The following PARD3 variants were observed in gnomAD, a reference collection of about 807,000 sequenced individuals.
PARD3 encodes partitioning defective 3 homolog.
A neutral mutation model predicts 155.4 loss-of-function variants in PARD3; 75 were observed. The ratio of observed to expected loss-of-function variants is 0.48; its 90% confidence interval spans 0.40 to 0.58. The LOEUF (loss-of-function observed/expected upper bound fraction) is 0.58, where lower values mean the gene tolerates loss of function less well. Ranked by LOEUF, PARD3 falls within the 20% of genes least tolerant of loss-of-function variation. The probability of loss-of-function intolerance (pLI) is 0.00; values close to 1 mark genes in which losing one functional copy is unlikely to be tolerated. For synonymous variants in PARD3, 576 were observed against 610.5 expected, an observed-to-expected ratio of 0.94 and a Z score of 0.83; for missense variants, 1,642 against 1,721.7, an observed-to-expected ratio of 0.95 and a Z score of 0.82.
intron 12 of PARD3, among the ~76,000 whole-genome samples, chr10:34,369,342 T>A: frequency 6.7e-6 from 1 of 149,312 alleles, no homozygotes; most frequent in African/African-American, 2.6e-5. Flanking sequence ...ATTTATTTAT[T>A]TATTTATTGG....
intron 2 of PARD3, among the ~76,000 whole-genome samples, chr10:34,666,125 G>A (rs145889184): frequency 4.0e-5 from 6 of 151,800 alleles, no homozygotes; most frequent in African/African-American, 7.2e-5. Context: ...AAGGCTGAAG[G>A]CTGATGCGGG....
chr10:34,516,224 C>G (rs1251054408), intron 3 of PARD3, among the ~76,000 whole-genome samples: 1 of 152,172 alleles, frequency 6.6e-6, no homozygotes, highest in Non-Finnish European at 1.5e-5. Context: ...CTCAGCCTCC[C>G]AAAGTGCTGG....
intron 3 of PARD3, among the ~76,000 whole-genome samples, chr10:34,483,505 A>AG (rs2079233946): frequency 8.0e-6 from 1 of 124,396 alleles, no homozygotes; most frequent in African/African-American, 5.4e-5. Flanking sequence ...AAAAAGAGAG[A>AG]GAAAAAAAAA....
At chr10:34,758,394 G>A in intron 1 of PARD3, among the ~76,000 whole-genome samples, 1 of 152,144 alleles carries the variant, frequency 6.6e-6, no homozygotes. Context: ...AAATAACACA[G>A]CTAGAAAGTG....
intron 12 of PARD3, among the ~76,000 whole-genome samples, chr10:34,367,515 C>A (rs938801319): frequency 6.6e-6 from 1 of 152,146 alleles, no homozygotes; most frequent in Non-Finnish European, 1.5e-5. Context: ...ACCATCCTGG[C>A]CAACATGGTG....
chr10:34,359,333 G>A lies in PARD3; in HGVS notation c.1897-16C>T, dbSNP rs1839212240. On this transcript the variant is annotated splice_polypyrimidine_tract_variant and intron_variant, in intron 13 of 24. Coordinates refer to ENST00000374788, the MANE Select transcript of PARD3 (RefSeq NM_001184785.2). ...GCCTTCCATCCTGGGAAGAAAACAGGTAAAAATAAGTGCTATTAAACAGAC... is the reference window on the plus strand; with the variant it reads ...GCCTTCCATCCTGGGAAGAAAACAGATAAAAATAAGTGCTATTAAACAGAC... 6.3e-7 allele frequency: 1 copy of A among 1,595,106 alleles called. No individual in the cohort carries two copies. The highest frequency in any genetic ancestry group is 8.6e-7 in the Non-Finnish European group (1 of 1,165,934).
Position 34,627,637 on chromosome 10 carries a change from C to T in PARD3, c.222+68681G>A, listed in dbSNP as rs114585545. The stretch of plus-strand genomic sequence containing the variant: ...GCAAGGCCAGGAACACCTGGGCTTC[C>T]GAAGCCAGGAACAGGCATGGAGCAG... On this transcript the variant is annotated intron_variant, in intron 2 of 24. Transcript: ENST00000374788. Among the ~76,000 whole-genome samples, 1,440 of 152,196 alleles carry T rather than the reference C, an allele frequency of 9.5e-3. 25 individuals are homozygous for T. Among genetic ancestry groups the T allele is most frequent in the African/African-American group, 0.033 (1,363 of 41,518 alleles).
At chr10:34,123,446 T>G (rs1947112615) in intron 23 of PARD3, among the ~76,000 whole-genome samples, 1 of 152,180 alleles carries the variant, frequency 6.6e-6, no homozygotes, top group Non-Finnish European at 1.5e-5. Context: ...TTTAAACATT[T>G]TGTTTTTATT....
intron 1 of PARD3, among the ~76,000 whole-genome samples, chr10:34,775,266 C>G (rs1030535182): frequency 3.9e-5 from 6 of 152,062 alleles, no homozygotes; most frequent in Admixed American, 2.6e-4. Context: ...ACCTGTAATC[C>G]CAACAGTTTC....
chr10:34,677,181 A>G (rs915602890), intron 2 of PARD3, among the ~76,000 whole-genome samples: 3 of 152,156 alleles, frequency 2.0e-5, no homozygotes, highest in Non-Finnish European at 2.9e-5. Flanking sequence ...AGGAAAATAT[A>G]AGAAAGATGA....
intron 18 of PARD3, among the ~76,000 whole-genome samples, chr10:34,334,379 T>A (rs1356707874): frequency 6.6e-6 from 1 of 150,540 alleles, no homozygotes; most frequent in Non-Finnish European, 1.5e-5. Context: ...GGAAAGGATG[T>A]CTTTTGCAAG....
chr10:34,773,882 A>T (rs1375809638), intron 1 of PARD3, among the ~76,000 whole-genome samples: 1 of 152,240 alleles, frequency 6.6e-6, no homozygotes, highest in East Asian at 1.9e-4. Flanking sequence ...ATATGAAAGA[A>T]TAATAGAGAC....
intron 3 of PARD3, among the ~76,000 whole-genome samples, chr10:34,503,638 C>T (rs190265218): frequency 9.2e-5 from 14 of 152,256 alleles, no homozygotes; most frequent in East Asian, 1.9e-4. Flanking sequence ...AGAAACACAC[C>T]GCAGGATAGA....
intron 2 of PARD3, among the ~76,000 whole-genome samples, chr10:34,681,766 A>ATTTTT (rs2093843171): frequency 5.1e-5 from 1 of 19,692 alleles, no homozygotes; most frequent in Non-Finnish European, 7.8e-5. Flanking sequence ...ATATATATAT[A>ATTTTT]TATTTTTTTT....
intron 1 of PARD3, among the ~76,000 whole-genome samples, chr10:34,709,857 C>T (rs774711144): frequency 6.6e-6 from 1 of 152,272 alleles, no homozygotes. Flanking sequence ...GTATGATTCT[C>T]TCAGCTACTA....
rs192395684 is a variant in PARD3, at chr10:34,260,377, C to T, written c.3419+9280G>A. On this transcript the variant is annotated intron_variant, in intron 22 of 24. Coordinates refer to ENST00000374788, the MANE Select transcript of PARD3 (RefSeq NM_001184785.2). ...GACAGGGGCTCAGAGGAGACACTGA[C>T]GGAGCAGGTGCCTTGAAGTGGTGGG... is the stretch of plus-strand genomic sequence containing the variant. Among the ~76,000 whole-genome samples, 20 of 152,268 alleles carry T rather than the reference C, an allele frequency of 1.3e-4. No homozygotes were observed. The South Asian group carries it at 2.1e-3, about 16-fold the overall frequency.
chr10:34,668,945 A>C (rs1275917834), intron 2 of PARD3, among the ~76,000 whole-genome samples: 2 of 152,216 alleles, frequency 1.3e-5, no homozygotes, highest in African/African-American at 4.8e-5. Context: ...ATGTTTACTG[A>C]ATGCTTATGA....
intron 14 of PARD3, among the ~76,000 whole-genome samples, chr10:34,353,195 G>C (rs1479507797): frequency 5.3e-5 from 8 of 151,830 alleles, no homozygotes; most frequent in Middle Eastern, 3.4e-3. Context: ...GTCTGCCTGG[G>C]CGCCACCCCG....
At chr10:34,520,025 A>G (rs1486302899) in intron 2 of PARD3, among the ~76,000 whole-genome samples, 1 of 151,630 alleles carries the variant, frequency 6.6e-6, no homozygotes, top group African/African-American at 2.4e-5. Context: ...ACCAAAATAA[A>G]CCCCTCTCCT....
Sources: allele counts gnomAD v4.1 joint callset (sites outside exome capture counted in the v4.1 genomes callset), GRCh38; gene constraint gnomAD v4.1.1; transcripts MANE v1.5; gene names NCBI Gene and HGNC (gene_info 2026-07-23, HGNC 2026-07-21).